TBC1D22A: variants seen among roughly 807,000 people sequenced by gnomAD.
TBC1D22A encodes TBC1 domain family member 22A.
TBC1D22A carries 38 observed loss-of-function variants against 60.2 expected under a neutral mutation model. The ratio of observed to expected loss-of-function variants is 0.63; its 90% CI spans 0.49 to 0.83. TBC1D22A has a LOEUF of 0.83. Among genes scored for constraint, TBC1D22A ranks in the 40% least tolerant of loss-of-function variants. TBC1D22A has a pLI of 0.00. For missense variants in TBC1D22A, 628 were observed against 701.0 expected (o/e 0.90, Z 1.18); for synonymous variants, 302 against 281.7 (o/e 1.07, Z -0.72).
At chr22:47,141,797 A>T (rs2067095352) in intron 12 of TBC1D22A, among the ~76,000 whole-genome samples, 1 of 152,252 alleles carries the variant, frequency 6.6e-6, no homozygotes, top group African/African-American at 2.4e-5. Context: ...ACAAAGAAGG[A>T]AATGACGTGG....
intron 10 of TBC1D22A, among the ~76,000 whole-genome samples, chr22:47,022,768 G>A (rs1471853628): frequency 1.3e-5 from 2 of 152,146 alleles, no homozygotes; most frequent in African/African-American, 4.8e-5. Flanking sequence ...CCCGGCATCA[G>A]GTAGGGGACT....
intron 4 of TBC1D22A, among the ~76,000 whole-genome samples, chr22:46,878,099 A>G (rs1381292469): frequency 1.3e-5 from 2 of 152,062 alleles, no homozygotes; most frequent in African/African-American, 2.4e-5. Flanking sequence ...TGTGTAGAAT[A>G]TGGCCACATC....
At position 46,860,681 on chromosome 22, in the gene TBC1D22A, C is replaced by G. The variant is rs527935204; in HGVS notation, c.638-17972C>G. 1.5e-4 allele frequency among the ~76,000 whole-genome samples: 23 copies of G among 152,390 alleles called. No homozygotes were observed. In the Middle Eastern group the frequency reaches 0.014, roughly 90 times the overall value. ...CTTTTCGATAGAGGTCTGTGCAGTG[C>G]TGTGCCCCTTCCTGGCTCTGGCGTG... On this transcript the variant is annotated intron_variant, in intron 4 of 12. Coordinates refer to ENST00000337137, the MANE Select transcript of TBC1D22A (RefSeq NM_014346.5).
intron 11 of TBC1D22A, among the ~76,000 whole-genome samples, chr22:47,062,473 C>T (rs73170413): frequency 0.076 from 11,593 of 152,174 alleles, 487 homozygotes; most frequent in Admixed American, 0.14. Flanking sequence ...AACCAATGTC[C>T]GTGTGTTCCT....
At chr22:46,823,318 G>A (rs1179354678) in intron 4 of TBC1D22A, among the ~76,000 whole-genome samples, 1 of 152,180 alleles carries the variant, frequency 6.6e-6, no homozygotes, top group Non-Finnish European at 1.5e-5. Context: ...CATAATGCAC[G>A]TTTATTATAG....
At chr22:47,031,280 C>G (rs1419346073) in intron 10 of TBC1D22A, among the ~76,000 whole-genome samples, 1 of 152,208 alleles carries the variant, frequency 6.6e-6, no homozygotes, top group African/African-American at 2.4e-5. Context: ...CAGCTTGGAG[C>G]CCGAAGGCTG....
intron 4 of TBC1D22A, among the ~76,000 whole-genome samples, chr22:46,875,936 G>A (rs2067538557): frequency 3.3e-5 from 5 of 151,986 alleles, no homozygotes; most frequent in Admixed American, 3.3e-4. Context: ...ACTTCTAGGA[G>A]ACAAGGCTGG....
intron 8 of TBC1D22A, chr22:46,916,097 G>A (rs115346203): frequency 0.011 from 4,332 of 410,492 alleles, 147 homozygotes; most frequent in African/African-American, 0.067. Flanking sequence ...CTGACACTTT[G>A]TTTCCAGTTA....
chr22:47,026,402 A>G (rs1334850080), intron 10 of TBC1D22A, among the ~76,000 whole-genome samples: 2 of 152,218 alleles, frequency 1.3e-5, no homozygotes, highest in Non-Finnish European at 2.9e-5. Flanking sequence ...AAAAACGTAC[A>G]TTCATTTATT....
At chr22:46,960,903 C>T (rs948829441) in intron 8 of TBC1D22A, among the ~76,000 whole-genome samples, 3 of 144,130 alleles carry the variant, frequency 2.1e-5, no homozygotes, top group East Asian at 4.1e-4. Flanking sequence ...GCCAGTGAGC[C>T]GAGACTGTGC....
At chr22:46,957,474 C>T (rs1009260573) in intron 8 of TBC1D22A, among the ~76,000 whole-genome samples, 3 of 152,200 alleles carry the variant, frequency 2.0e-5, no homozygotes, top group Non-Finnish European at 2.9e-5. Context: ...ATGTCGGATG[C>T]TTATAAGACC....
At chr22:47,039,927 G>A (rs1162801699) in intron 11 of TBC1D22A, among the ~76,000 whole-genome samples, 2 of 123,878 alleles carry the variant, frequency 1.6e-5, no homozygotes, top group Non-Finnish European at 3.2e-5. Context: ...TCGGGGAGGT[G>A]CCACAGCCTT....
chr22:46,809,007 T>A (rs1461133042), intron 4 of TBC1D22A, among the ~76,000 whole-genome samples: 1 of 152,260 alleles, frequency 6.6e-6, no homozygotes, highest in Non-Finnish European at 1.5e-5. Context: ...AAAATCCTAA[T>A]GTAGATTATC....
At chr22:46,872,785 C>T (rs569368504) in intron 4 of TBC1D22A, among the ~76,000 whole-genome samples, 2 of 152,186 alleles carry the variant, frequency 1.3e-5, no homozygotes, top group Non-Finnish European at 2.9e-5. Context: ...CCCCAGATGT[C>T]TGCAAAGTCC....
At chr22:46,764,697 A>G (rs1200041851) in intron 1 of TBC1D22A, among the ~76,000 whole-genome samples, 1 of 152,226 alleles carries the variant, frequency 6.6e-6, no homozygotes, top group Non-Finnish European at 1.5e-5. Flanking sequence ...TTATAAAAAG[A>G]GGGAAATTTG....
At chr22:47,165,942 G>A (rs1290762413) in intron 12 of TBC1D22A, among the ~76,000 whole-genome samples, 2 of 152,234 alleles carry the variant, frequency 1.3e-5, no homozygotes, top group African/African-American at 2.4e-5. Context: ...CGCGTCGCAT[G>A]TCACCGTGGT....
intron 11 of TBC1D22A, among the ~76,000 whole-genome samples, chr22:47,063,572 G>A (rs1375100334): frequency 6.6e-6 from 1 of 152,148 alleles, no homozygotes; most frequent in Non-Finnish European, 1.5e-5. Flanking sequence ...GCACTGTGTT[G>A]AGGGTGAGCC....
intron 8 of TBC1D22A, among the ~76,000 whole-genome samples, chr22:46,924,985 CAT>C (rs2070970025): frequency 6.6e-6 from 1 of 152,130 alleles, no homozygotes; most frequent in Non-Finnish European, 1.5e-5. Flanking sequence ...ATTTTAGCAG[CAT>C]AGTCATTCTT....
chr22:47,082,513 T>A (rs1333777197), intron 11 of TBC1D22A, among the ~76,000 whole-genome samples: 1 of 152,202 alleles, frequency 6.6e-6, no homozygotes, highest in African/African-American at 2.4e-5. Context: ...ATCCAGGATA[T>A]ATAAAAACTC....
Sources: gnomAD v4.1 joint callset for allele counts (sites outside exome capture counted in the v4.1 genomes callset) on GRCh38, gnomAD v4.1.1 for gene constraint, MANE v1.5 for transcripts, NCBI Gene and HGNC (gene_info 2026-07-23, HGNC 2026-07-21) for gene names.